Variants in SHISA6 observed in about 807,000 individuals in gnomAD.
SHISA6 encodes shisa family member 6.
Under a neutral mutation model 47.9 loss-of-function variants are expected in SHISA6, and 22 were observed. The ratio of observed to expected loss-of-function variants is 0.46; its 90% CI spans 0.33 to 0.66. The LOEUF is 0.66. Among genes scored for constraint, SHISA6 ranks in the 30% least tolerant of loss-of-function variants. The pLI is 0.02. For missense variants in SHISA6, 680 were observed against 764.6 expected (o/e 0.89, Z 1.30); for synonymous variants, 388 against 337.8 (o/e 1.15, Z -1.63).
intron 3 of SHISA6, among the ~76,000 whole-genome samples, chr17:11,409,658 C>T (rs533291283): frequency 9.7e-5 from 14 of 144,640 alleles, no homozygotes; most frequent in Non-Finnish European, 2.1e-4. Flanking sequence ...GAGCCGAGAT[C>T]GTGCCATCGC....
At position 11,241,845 on chromosome 17, in the gene SHISA6, G is replaced by A. The variant is rs1244878523; in HGVS notation, c.423G>A (p.Gln141=). Residue 141 remains glutamine, a synonymous_variant, in exon 1 of 6, where the codon CAG becomes CAA. Transcript: ENST00000441885. This position sits in a 1 kb window ranked among gnomAD's most constrained non-coding sequence, Gnocchi z 5.5. ...GCCACGAGAAGCTGGACCAGCGCCA[G>A]TGCACCAACTACCAGAGCCCGGTGT... is the stretch of plus-strand genomic sequence containing the variant. ...KKRHEKLDQR[Q]CTNYQSPVWV... 6.4e-7 allele frequency: 1 copy of A among 1,551,252 alleles called. No homozygotes were observed. The highest frequency in any genetic ancestry group is 1.2e-5 in the South Asian group (1 of 84,060).
intron 2 of SHISA6, among the ~76,000 whole-genome samples, chr17:11,333,293 A>G (rs886779635): frequency 4.6e-5 from 7 of 152,122 alleles, no homozygotes; most frequent in African/African-American, 1.7e-4. Context: ...GGTTCCTGAC[A>G]CGGAACTCCT....
rs1459434478 is a variant in SHISA6, at chr17:11,415,088, A to AG, written c.895+35579_895+35580insG. 5.9e-5 allele frequency among the ~76,000 whole-genome samples: 9 copies of AG among 152,152 alleles called. No individual in the cohort carries two copies. In the East Asian group the frequency reaches 1.4e-3, roughly 23 times the overall value. Reference sequence around the variant, plus strand: ...GAGCAAAACTCCATCTAAAAAAAAAAAAAGAAAGAAAGAAAAAAACAATGA... The same window carrying AG: ...GAGCAAAACTCCATCTAAAAAAAAAAGAAAGAAAGAAAGAAAAAAACAATGA... On this transcript the variant is annotated intron_variant, in intron 3 of 5. Transcript: ENST00000441885.
chr17:11,464,823 T>C (rs1198185177), intron 3 of SHISA6, among the ~76,000 whole-genome samples: 1 of 151,758 alleles, frequency 6.6e-6, no homozygotes, highest in Non-Finnish European at 1.5e-5. Context: ...GTGCCTGTAA[T>C]CTCAGCTACT....
intron 3 of SHISA6, among the ~76,000 whole-genome samples, chr17:11,410,995 G>A (rs1401986377): frequency 6.6e-6 from 1 of 152,090 alleles, no homozygotes; most frequent in African/African-American, 2.4e-5. Flanking sequence ...TTGAGACAGA[G>A]TCTCACTCTA....
At chr17:11,318,804 AT>A (rs1197312273) in intron 2 of SHISA6, among the ~76,000 whole-genome samples, 1 of 152,154 alleles carries the variant, frequency 6.6e-6, no homozygotes, top group African/African-American at 2.4e-5. Flanking sequence ...CTCATAAGGT[AT>A]TCAGTGTCTT....
At chr17:11,491,171 G>T (rs1316273623) in intron 3 of SHISA6, among the ~76,000 whole-genome samples, 1 of 152,212 alleles carries the variant, frequency 6.6e-6, no homozygotes, top group Non-Finnish European at 1.5e-5. Flanking sequence ...GCCCAGCTCT[G>T]TAACTCACTG....
chr17:11,316,422 T>C (rs1330553557), intron 2 of SHISA6, among the ~76,000 whole-genome samples: 32 of 23,212 alleles, frequency 1.4e-3, no homozygotes, highest in South Asian at 4.2e-3. Context: ...TCTCTCTCTT[T>C]TTTTTTTTTT....
At chr17:11,393,039 A>G (rs1358352266) in intron 3 of SHISA6, among the ~76,000 whole-genome samples, 4 of 152,210 alleles carry the variant, frequency 2.6e-5, no homozygotes, top group African/African-American at 9.6e-5. Flanking sequence ...CCCTAAGCCT[A>G]TTGTTCTACA....
At chr17:11,277,248 TC>T (rs1908937862) in intron 2 of SHISA6, among the ~76,000 whole-genome samples, 1 of 62,152 alleles carries the variant, frequency 1.6e-5, no homozygotes, top group Non-Finnish European at 2.9e-5. Context: ...TCTTTCTCTC[TC>T]TCTCTCTCTC....
intron 3 of SHISA6, among the ~76,000 whole-genome samples, chr17:11,466,061 G>A (rs980318010): frequency 6.6e-6 from 1 of 151,796 alleles, no homozygotes; most frequent in African/African-American, 2.4e-5. Context: ...CTGAGAGCTT[G>A]CTGCAGCACA....
chr17:11,356,417 A>G (rs903830226), intron 2 of SHISA6, among the ~76,000 whole-genome samples: 8 of 152,136 alleles, frequency 5.3e-5, no homozygotes, highest in Admixed American at 3.9e-4. Context: ...AGCAGATGCA[A>G]TTACTCTCTC....
At chr17:11,388,691 A>G (rs749877661) in intron 3 of SHISA6, among the ~76,000 whole-genome samples, 1 of 150,552 alleles carries the variant, frequency 6.6e-6, no homozygotes, top group Non-Finnish European at 1.5e-5. Context: ...ACCTCACACC[A>G]TAGCTACTTG....
chr17:11,561,733 C>T lies in SHISA6; in HGVS notation c.*3429C>T, dbSNP rs1035873613. Reference sequence around the variant, plus strand: ...CTACCTTCCTCCATTCACCTTCCTCCATTCCTAATTTCTTTTCCCTGGTCT... The same window carrying T: ...CTACCTTCCTCCATTCACCTTCCTCTATTCCTAATTTCTTTTCCCTGGTCT... On this transcript the variant is annotated 3_prime_UTR_variant, in exon 6 of 6. Transcript: ENST00000441885. 18 of 152,228 alleles carry T rather than the reference C, an allele frequency of 1.2e-4. No homozygotes were observed. The highest frequency in any genetic ancestry group is 4.1e-4 in the African/African-American group (17 of 41,438). The allele number at this position is 152,228 out of a possible 1,614,324, so 9.4% of individuals were successfully genotyped here.
chr17:11,371,962 A>G (rs1045874859), intron 2 of SHISA6, among the ~76,000 whole-genome samples: 1 of 152,206 alleles, frequency 6.6e-6, no homozygotes, highest in African/African-American at 2.4e-5. Flanking sequence ...GTTGGTATAA[A>G]TCATCATACC....
Position 11,316,041 on chromosome 17 carries a change from C to G in SHISA6, c.799+52515C>G, listed in dbSNP as rs527435199. 3.9e-5 allele frequency among the ~76,000 whole-genome samples: 6 copies of G among 152,240 alleles called. No individual in the cohort carries two copies. The South Asian group carries it at 6.2e-4, about 16-fold the overall frequency. On this transcript the variant is annotated intron_variant, in intron 2 of 5. Coordinates refer to ENST00000441885, the MANE Select transcript of SHISA6 (RefSeq NM_207386.4). ...CATTTTGAGGAAAGTCACTCTTTGC[C>G]TATCTGCTCATTATCTTCATTGCTA...
At chr17:11,481,652 C>T (rs1358428272) in intron 3 of SHISA6, among the ~76,000 whole-genome samples, 1 of 151,820 alleles carries the variant, frequency 6.6e-6, no homozygotes, top group East Asian at 2.0e-4. Context: ...ACCACAACGC[C>T]TGGCTAATTT....
chr17:11,270,263 C>T (rs1469561956), intron 2 of SHISA6, among the ~76,000 whole-genome samples: 2 of 152,206 alleles, frequency 1.3e-5, no homozygotes, highest in African/African-American at 4.8e-5. Context: ...CGTGAGCCGC[C>T]GTGCTCGGTG....
At position 11,560,998 on chromosome 17, in the gene SHISA6, C is replaced by T. The variant is rs1246147309; in HGVS notation, c.*2694C>T. On this transcript the variant is annotated 3_prime_UTR_variant, in exon 6 of 6. Transcript: ENST00000441885. Reference sequence around the variant, plus strand: ...ACAGACTTGCTCCAATTCAGTCCCACATTTCAAAATCCAGAAAACTATGTC... The same window carrying T: ...ACAGACTTGCTCCAATTCAGTCCCATATTTCAAAATCCAGAAAACTATGTC... The T allele has an allele frequency of 1.3e-5, 2 of 152,232 alleles. No homozygotes were observed. Among genetic ancestry groups the T allele is most frequent in the African/African-American group, 4.8e-5 (2 of 41,444 alleles). The allele number at this position is 152,232 out of a possible 1,614,324, so 9.4% of individuals were successfully genotyped here. A position where few individuals can be genotyped will look rare whatever the true frequency, so the allele number is the denominator to read the frequency against.
Sources: allele counts gnomAD v4.1 joint callset (sites outside exome capture counted in the v4.1 genomes callset), GRCh38; gene constraint gnomAD v4.1.1; non-coding constraint Gnocchi (gnomAD v3.1); transcripts MANE v1.5; gene names NCBI Gene and HGNC (gene_info 2026-07-23, HGNC 2026-07-21).